KCNH5: variants seen among roughly 807,000 people sequenced by gnomAD.
The protein encoded by KCNH5 is voltage-gated delayed rectifier potassium channel KCNH5.
A neutral mutation model predicts 96.1 loss-of-function variants in KCNH5; 46 were observed. That is an observed-to-expected ratio of 0.48 (90% CI 0.38 to 0.61). The LOEUF (loss-of-function observed/expected upper bound fraction) is 0.61. Among genes scored for constraint, KCNH5 ranks in the 20% least tolerant of loss-of-function variants. The probability of loss-of-function intolerance (pLI) is 0.00; values close to 1 mark genes in which losing one functional copy is unlikely to be tolerated. For synonymous variants in KCNH5, 439 were observed against 449.8 expected (o/e 0.98, Z 0.30); for missense variants, 907 against 1,225.8 (o/e 0.74, Z 3.88).
At chr14:62,875,122 T>C (rs1039729343) in intron 7 of KCNH5, among the ~76,000 whole-genome samples, 2 of 144,046 alleles carry the variant, frequency 1.4e-5, no homozygotes, top group African/African-American at 5.2e-5. Flanking sequence ...TACCTAGGAA[T>C]CCAACTTACA....
chr14:62,876,151 AG>A (rs1250626411), intron 7 of KCNH5, among the ~76,000 whole-genome samples: 1 of 152,208 alleles, frequency 6.6e-6, no homozygotes, highest in Admixed American at 6.5e-5. Flanking sequence ...TGGGTAACAG[AG>A]TGAGACTCTG....
At chr14:62,915,795 C>T (rs2140104261) in intron 7 of KCNH5, among the ~76,000 whole-genome samples, 1 of 152,242 alleles carries the variant, frequency 6.6e-6, no homozygotes, top group Non-Finnish European at 1.5e-5. Flanking sequence ...ATTGCACGTA[C>T]ATTACTTCAT....
At chr14:63,003,578 TACATA>T (rs1891063494) in intron 3 of KCNH5, among the ~76,000 whole-genome samples, 2 of 124,464 alleles carry the variant, frequency 1.6e-5, no homozygotes, top group African/African-American at 6.1e-5. Flanking sequence ...TATATTTATA[TACATA>T]ATATATATAT....
intron 4 of KCNH5, among the ~76,000 whole-genome samples, chr14:62,991,364 T>C (rs1890804911): frequency 6.6e-6 from 1 of 151,862 alleles, no homozygotes; most frequent in Non-Finnish European, 1.5e-5. Context: ...TGTTAAGGAT[T>C]ATAATCTGCT....
chr14:62,964,081 G>A (rs1890261442), intron 6 of KCNH5, among the ~76,000 whole-genome samples: 1 of 152,044 alleles, frequency 6.6e-6, no homozygotes, highest in African/African-American at 2.4e-5. Flanking sequence ...TCAAAGAGTA[G>A]CTCCATTTTC....
At chr14:62,957,614 G>T (rs1300681485) in intron 6 of KCNH5, among the ~76,000 whole-genome samples, 1 of 152,116 alleles carries the variant, frequency 6.6e-6, no homozygotes. Context: ...ACTTGCTTTG[G>T]CCAACAGAAT....
intron 10 of KCNH5, among the ~76,000 whole-genome samples, chr14:62,773,556 T>C (rs1021652468): frequency 5.3e-5 from 8 of 152,232 alleles, no homozygotes; most frequent in Non-Finnish European, 1.2e-4. Context: ...CATGGCTATA[T>C]GGTGAGCCAG....
At chr14:62,760,655 G>C (rs898429737) in intron 10 of KCNH5, among the ~76,000 whole-genome samples, 1 of 152,220 alleles carries the variant, frequency 6.6e-6, no homozygotes, top group Non-Finnish European at 1.5e-5. Flanking sequence ...GATTCAGAGA[G>C]AAGAGACAGA....
intron 10 of KCNH5, among the ~76,000 whole-genome samples, chr14:62,736,863 C>CA (rs1430765784): frequency 6.6e-6 from 1 of 152,060 alleles, no homozygotes; most frequent in East Asian, 1.9e-4. Context: ...CAGTGAATTC[C>CA]AAGACTACAC....
intron 8 of KCNH5, among the ~76,000 whole-genome samples, chr14:62,827,895 AT>A (rs1015703359): frequency 2.0e-5 from 3 of 151,878 alleles, no homozygotes; most frequent in Non-Finnish European, 2.9e-5. Flanking sequence ...CACATATTGG[AT>A]CTTTACACAT....
chr14:62,940,751 T>A (rs1194588772), intron 7 of KCNH5, among the ~76,000 whole-genome samples: 1 of 152,222 alleles, frequency 6.6e-6, no homozygotes, highest in Non-Finnish European at 1.5e-5. Context: ...AAGAGTCACT[T>A]TCTCCTAGAA....
At chr14:62,943,617 C>T (rs938574430) in intron 7 of KCNH5, among the ~76,000 whole-genome samples, 1 of 152,082 alleles carries the variant, frequency 6.6e-6, no homozygotes, top group African/African-American at 2.4e-5. Context: ...CTATTTTCTA[C>T]AAGTGCTGCA....
intron 7 of KCNH5, among the ~76,000 whole-genome samples, chr14:62,869,018 G>A (rs1261075404): frequency 6.6e-6 from 1 of 152,192 alleles, no homozygotes; most frequent in Non-Finnish European, 1.5e-5. Flanking sequence ...TGTCTTTATA[G>A]TAGAATGATT....
intron 6 of KCNH5, among the ~76,000 whole-genome samples, chr14:62,970,956 G>A (rs1395639569): frequency 6.6e-6 from 1 of 151,844 alleles, no homozygotes; most frequent in Non-Finnish European, 1.5e-5. Flanking sequence ...CAGGAACGAG[G>A]CAAAGATGTT....
chr14:62,734,929 C>T (rs1885126015), intron 10 of KCNH5, among the ~76,000 whole-genome samples: 1 of 151,984 alleles, frequency 6.6e-6, no homozygotes. Context: ...TTCAAAAATC[C>T]ATGAAAAAAT....
At chr14:62,713,444 G>T (rs1884616504) in intron 10 of KCNH5, among the ~76,000 whole-genome samples, 2 of 152,156 alleles carry the variant, frequency 1.3e-5, no homozygotes, top group African/African-American at 2.4e-5. Flanking sequence ...TCATTGAAAG[G>T]TCTTGAATCA....
chr14:62,824,107 C>G (rs1488727288), intron 8 of KCNH5, among the ~76,000 whole-genome samples: 1 of 151,692 alleles, frequency 6.6e-6, no homozygotes, highest in Non-Finnish European at 1.5e-5. Flanking sequence ...CAAGATGAGC[C>G]CCAAATTCTG....
At chr14:62,840,550 CTTTTTTCTT>C (rs1428924818) in intron 8 of KCNH5, among the ~76,000 whole-genome samples, 13 of 124,374 alleles carry the variant, frequency 1.0e-4, no homozygotes, top group African/African-American at 2.7e-4. Context: ...TTTTGTTTTT[CTTTTTTCTT>C]TTTTTTCTTT....
chr14:62,949,137 A>G (rs1033136853), intron 7 of KCNH5, among the ~76,000 whole-genome samples: 2 of 152,120 alleles, frequency 1.3e-5, no homozygotes, highest in African/African-American at 4.8e-5. Context: ...CCTATTCAAC[A>G]TAGTGTTGGA....
Sources: gnomAD v4.1 joint callset for allele counts (sites outside exome capture counted in the v4.1 genomes callset) on GRCh38, gnomAD v4.1.1 for gene constraint, MANE v1.5 for transcripts, NCBI Gene and HGNC (gene_info 2026-07-23, HGNC 2026-07-21) for gene names.